PDK3: variants seen among roughly 807,000 people sequenced by gnomAD.
PDK3 encodes pyruvate dehydrogenase kinase 3.
PDK3 carries 12 observed loss-of-function variants against 32.0 expected under a neutral mutation model. That is an observed-to-expected ratio of 0.37 (90% CI 0.24 to 0.61). The LOEUF is 0.61. Ranked by LOEUF, PDK3 falls within the 20% of genes least tolerant of loss-of-function variation. PDK3 has a pLI of 0.65. For missense variants in PDK3, 188 were observed against 316.9 expected (o/e 0.59, Z 3.09); for synonymous variants, 122 against 116.3 (o/e 1.05, Z -0.31).
chrX:24,491,296 A>G (rs1341535574), intron 1 of PDK3, among the ~76,000 whole-genome samples: 2 of 110,275 alleles, frequency 1.8e-5, no homozygotes, highest in East Asian at 5.6e-4. Flanking sequence ...AAAAAAAAGA[A>G]AAAAGAAAAA....
At chrX:24,469,981 A>G (rs1038314615) in intron 1 of PDK3, among the ~76,000 whole-genome samples, 6 of 111,244 alleles carry the variant, frequency 5.4e-5, no homozygotes, top group African/African-American at 1.6e-4. Flanking sequence ...CAATTTTATT[A>G]TCTATTATAT....
At chrX:24,510,165 TA>T (rs772588377) in intron 5 of PDK3, among the ~76,000 whole-genome samples, 1 of 112,431 alleles carries the variant, frequency 8.9e-6, no homozygotes. Context: ...TTGGAATTCA[TA>T]GATGTAAGTG....
chrX:24,465,577 AG>A lies in PDK3; in HGVS notation c.106+19del. The A allele has an allele frequency of 8.9e-7, 1 of 1,127,726 alleles. No homozygotes were observed. Among genetic ancestry groups the A allele is most frequent in the Non-Finnish European group, 1.2e-6 (1 of 825,318 alleles). The allele number at this position is 1,127,726 out of a possible 1,213,427, so 92.9% of individuals were successfully genotyped here. ...CTGGACTTCGGTGAGTACGGGGCCA[AG>A]GGTCCCCATGGGCCCGGGGCCGCCG... is the stretch of plus-strand genomic sequence containing the variant. On this transcript the variant is annotated intron_variant, in intron 1 of 10. Coordinates refer to ENST00000379162, the MANE Select transcript of PDK3 (RefSeq NM_005391.5).
chrX:24,490,315 G>A (rs1329167839), intron 1 of PDK3, among the ~76,000 whole-genome samples: 1 of 111,238 alleles, frequency 9.0e-6, no homozygotes, highest in Non-Finnish European at 1.9e-5. Context: ...CCAAATCTCT[G>A]TGAAGTAGAT....
At chrX:24,542,765 T>G (rs1263956929) in exon 12 of PDK3, among the ~76,000 whole-genome samples, 1 of 112,771 alleles carries the variant, frequency 8.9e-6, no homozygotes, top group East Asian at 2.8e-4. Flanking sequence ...CAGTGCTTAC[T>G]GCCAGCCCTT....
At chrX:24,521,003 G>A (rs187842237) in intron 6 of PDK3, among the ~76,000 whole-genome samples, 2 of 111,376 alleles carry the variant, frequency 1.8e-5, no homozygotes, top group Admixed American at 1.9e-4. Flanking sequence ...ACCAGGCCAG[G>A]CATGGTGGCT....
intron 6 of PDK3, among the ~76,000 whole-genome samples, chrX:24,519,366 C>CTT (rs1201625079): frequency 6.9e-4 from 60 of 86,651 alleles, no homozygotes; most frequent in African/African-American, 9.5e-4. Context: ...AGACAAATGC[C>CTT]TTTTTTTTTT....
chrX:24,531,922 T>G (rs886802218), intron 10 of PDK3, 152 bp downstream of exon 10: 12 of 370,282 alleles, frequency 3.2e-5, no homozygotes, highest in African/African-American at 1.3e-4. Flanking sequence ...TCACGCTTGA[T>G]TCTATGCTCA....
At chrX:24,535,551 A>G (rs1041971414), downstream of PDK3, among the ~76,000 whole-genome samples, 12 of 110,385 alleles carry the variant, frequency 1.1e-4, no homozygotes, top group Non-Finnish European at 2.1e-4. Context: ...GAAAGAAAAC[A>G]TAAGTAAGCC....
rs137893693 is a variant in PDK3 at position 24,531,831 on chromosome X, C to T, written c.1077+61C>T. 2.4e-4 allele frequency: 143 copies of T among 589,121 alleles called. 1 individual carries two copies. The African/African-American group carries it at 2.9e-3, about 12-fold the overall frequency. 48.6% of individuals were successfully genotyped at this position (589,121 alleles called of 1,213,427 possible). A position where few individuals can be genotyped will look rare whatever the true frequency, so the allele number is the denominator to read the frequency against. ...GCTTTTTAAAGCTGTAAGTTCTAATCGCTGATTGAGAACAGCACTGTATCA... is the reference window on the plus strand; with the variant it reads ...GCTTTTTAAAGCTGTAAGTTCTAATTGCTGATTGAGAACAGCACTGTATCA... On this transcript the variant is annotated intron_variant, in intron 10 of 10. Transcript: ENST00000379162.
chrX:24,483,610 G>A (rs909988434), intron 1 of PDK3, among the ~76,000 whole-genome samples: 12 of 112,058 alleles, frequency 1.1e-4, no homozygotes, highest in Admixed American at 2.8e-4. Flanking sequence ...GGGATTTACC[G>A]TTACCTGCAA....
intron 2 of PDK3, among the ~76,000 whole-genome samples, chrX:24,495,158 G>A (rs1364365331): frequency 8.9e-6 from 1 of 112,228 alleles, no homozygotes; most frequent in Non-Finnish European, 1.9e-5. Flanking sequence ...CTTCTGACAG[G>A]ATATTTGCTG....
chrX:24,489,477 G>A (rs1254831642), intron 1 of PDK3, among the ~76,000 whole-genome samples: 1 of 110,609 alleles, frequency 9.0e-6, no homozygotes, highest in Non-Finnish European at 1.9e-5. Context: ...TTAAGGTCAG[G>A]AGTTGGAGAC....
intron 2 of PDK3, among the ~76,000 whole-genome samples, chrX:24,496,296 T>TAC (rs74314230): frequency 0.026 from 2,661 of 102,648 alleles, 40 homozygotes; most frequent in South Asian, 0.06. Context: ...ACTCTCTGCA[T>TAC]ACACACACAC....
At chrX:24,506,177 C>G (rs1282953857) in intron 5 of PDK3, among the ~76,000 whole-genome samples, 3 of 111,805 alleles carry the variant, frequency 2.7e-5, no homozygotes, top group African/African-American at 9.8e-5. Flanking sequence ...TTGGTTTTAG[C>G]TTAGCCTAGG....
intron 6 of PDK3, among the ~76,000 whole-genome samples, chrX:24,519,912 G>A (rs1922353835): frequency 8.9e-6 from 1 of 112,179 alleles, no homozygotes; most frequent in Non-Finnish European, 1.9e-5. Context: ...GAAAATAGAG[G>A]CTGGACACAG....
At chrX:24,517,002 G>T (rs1327602995) in intron 5 of PDK3, among the ~76,000 whole-genome samples, 3 of 109,020 alleles carry the variant, frequency 2.8e-5, no homozygotes, top group Non-Finnish European at 5.7e-5. Flanking sequence ...CACCATGTTG[G>T]CTAGGCTGGT....
At chrX:24,469,973 A>G (rs1449038150) in intron 1 of PDK3, among the ~76,000 whole-genome samples, 3 of 111,486 alleles carry the variant, frequency 2.7e-5, no homozygotes, top group Non-Finnish European at 5.6e-5. Flanking sequence ...ATACAGTACA[A>G]TTTTATTATC....
At position 24,503,450 on chromosome X, in the gene PDK3, A is replaced by G. The variant is rs778199805; in HGVS notation, c.444A>G (p.Gln148=). ...GFDPFISTNI[Q]YFLDRFYTNR... is the part of the protein sequence containing the mutation. ...ATCCTTTCATTAGCACTAACATCCA[A>G]TATTTTCTGGATCGGTTTTATACCA... The change falls in exon 4 of 11, where the codon CAA becomes CAG. Residue 148 remains glutamine, a synonymous_variant. Coordinates refer to ENST00000379162, the MANE Select transcript of PDK3 (RefSeq NM_005391.5). The G allele has an allele frequency of 3.3e-6, 4 of 1,206,652 alleles. No individual in the cohort carries two copies. The highest frequency in any genetic ancestry group is 5.9e-5 in the East Asian group (2 of 33,723).
Sources: gnomAD v4.1 joint callset for allele counts (sites outside exome capture counted in the v4.1 genomes callset) on GRCh38, gnomAD v4.1.1 for gene constraint, MANE v1.5 for transcripts, NCBI Gene and HGNC (gene_info 2026-07-23, HGNC 2026-07-21) for gene names.